Variants in BRAF observed in about 807,000 individuals in gnomAD.
The protein encoded by BRAF is B-Raf proto-oncogene, serine/threonine kinase, also known as serine/threonine-protein kinase B-raf.
A neutral mutation model predicts 104.6 loss-of-function variants in BRAF; 16 were observed. The observed-to-expected ratio is 0.15, with a 90% confidence interval of 0.10 to 0.23. BRAF has a LOEUF of 0.23. BRAF is among the 10% of genes least tolerant of loss of function. BRAF has a pLI of 1.00. For missense variants in BRAF, 541 were observed against 937.3 expected (o/e 0.58, Z 5.52); for synonymous variants, 310 against 341.6 (o/e 0.91, Z 1.02).
intron 1 of BRAF, among the ~76,000 whole-genome samples, chr7:140,862,356 G>A (rs1810511787): frequency 6.6e-6 from 1 of 152,042 alleles, no homozygotes; most frequent in Non-Finnish European, 1.5e-5. Flanking sequence ...AGAAAGAAAT[G>A]GGTGATACAA....
chr7:140,777,762 C>T (rs1196535782), intron 13 of BRAF, among the ~76,000 whole-genome samples: 1 of 152,080 alleles, frequency 6.6e-6, no homozygotes, highest in East Asian at 1.9e-4. Context: ...GAATACTATA[C>T]TTCCATTAAT....
At chr7:140,874,682 G>A (rs1318884186) in intron 1 of BRAF, among the ~76,000 whole-genome samples, 1 of 152,098 alleles carries the variant, frequency 6.6e-6, no homozygotes, top group Non-Finnish European at 1.5e-5. Context: ...GAGAGAACCA[G>A]GTCTCCAATT....
intron 15 of BRAF, 43 bp downstream of exon 14, chr7:140,754,144 C>G (rs762308238): frequency 6.3e-7 from 1 of 1,576,332 alleles, no homozygotes. Flanking sequence ...AAGAAAAAGT[C>G]AGGATGTTTT....
chr7:140,849,371 A>G (rs568975909), intron 2 of BRAF, among the ~76,000 whole-genome samples: 1 of 152,300 alleles, frequency 6.6e-6, no homozygotes, highest in South Asian at 2.1e-4. Flanking sequence ...ATGTTGAGCT[A>G]TTTAAAAATT....
At chr7:140,917,924 T>C (rs1817793401) in intron 1 of BRAF, among the ~76,000 whole-genome samples, 1 of 152,220 alleles carries the variant, frequency 6.6e-6, no homozygotes, top group South Asian at 2.1e-4. Flanking sequence ...AAATATTGTC[T>C]ATTAGCTACT....
chr7:140,719,808 T>C lies in BRAF; in HGVS notation c.*6686A>G, dbSNP rs150788389. On this transcript the variant is annotated 3_prime_UTR_variant, in exon 20 of 20. Coordinates refer to ENST00000644969, the MANE Select transcript of BRAF (RefSeq NM_001374258.1). ...GGACAATTAAAAAGTCCCCATCTTT[T>C]CACTGGGCACGCCCCAGACTCCACG... 2 of 1,063,072 alleles carry C rather than the reference T, an allele frequency of 1.9e-6. No individual in the cohort carries two copies. Among genetic ancestry groups the C allele is most frequent in the Non-Finnish European group, 2.3e-6 (2 of 877,904 alleles). The allele number at this position is 1,063,072 out of a possible 1,614,324, so 65.9% of individuals were successfully genotyped here.
chr7:140,924,322 GCCCCAAT>G lies in BRAF; in HGVS notation c.138+237_138+243del, dbSNP rs1466691451. On this transcript the variant is annotated intron_variant, in intron 1 of 19. Coordinates refer to ENST00000644969, the MANE Select transcript of BRAF (RefSeq NM_001374258.1). This position sits in a 1 kb window ranked among gnomAD's most constrained non-coding sequence, Gnocchi z 4.2. ...GATAGCCTCCCGCTCAACCACCGCTGCCCCAATCCCCACATCTGGGGTGGGGGCCAGG... is the reference window on the plus strand; with the variant it reads ...GATAGCCTCCCGCTCAACCACCGCTGCCCCACATCTGGGGTGGGGGCCAGG... 6.6e-6 allele frequency among the ~76,000 whole-genome samples: 1 copy of G among 152,082 alleles called. No individual in the cohort carries two copies. Among genetic ancestry groups the G allele is most frequent in the Non-Finnish European group, 1.5e-5 (1 of 67,998 alleles).
chr7:140,814,165 T>A (rs1384896249), intron 3 of BRAF, among the ~76,000 whole-genome samples: 1 of 152,154 alleles, frequency 6.6e-6, no homozygotes, highest in Non-Finnish European at 1.5e-5. Context: ...ATAATTTTTC[T>A]CTTAAAAAAA....
rs1799813899 is a variant in BRAF at position 140,771,181 on chromosome 7, A to G, written c.1814+5731T>C. Among the ~76,000 whole-genome samples, 3 of 152,086 alleles carry G rather than the reference A, an allele frequency of 2.0e-5. No individual in the cohort carries two copies. The South Asian group carries it at 6.2e-4, about 32-fold the overall frequency. Reference sequence around the variant, plus strand: ...GGTGACACATTTGAAAGTCCTAATGATTCAACTTTTCTAATTATTCTTATT... The same window carrying G: ...GGTGACACATTTGAAAGTCCTAATGGTTCAACTTTTCTAATTATTCTTATT... On this transcript the variant is annotated intron_variant, in intron 14 of 19. Coordinates refer to ENST00000644969, the MANE Select transcript of BRAF (RefSeq NM_001374258.1).
At chr7:140,779,459 C>G (rs1001368715) in intron 12 of BRAF, among the ~76,000 whole-genome samples, 3 of 152,118 alleles carry the variant, frequency 2.0e-5, no homozygotes, top group African/African-American at 7.2e-5. Flanking sequence ...TGCCTGGGAC[C>G]AGAAGTGTCT....
intron 13 of BRAF, 26 bp from the exon 13 acceptor site, chr7:140,777,114 C>CTTTAGCA (rs1800407084): frequency 1.2e-6 from 2 of 1,607,332 alleles, no homozygotes; most frequent in African/African-American, 2.7e-5. Context: ...TGACAGTAAA[C>CTTTAGCA]ATTAAATGTC....
At chr7:140,852,890 T>G (rs913077097) in intron 1 of BRAF, among the ~76,000 whole-genome samples, 1 of 152,202 alleles carries the variant, frequency 6.6e-6, no homozygotes, top group Non-Finnish European at 1.5e-5. Flanking sequence ...CTCCCTTCTT[T>G]GAGTAAACCA....
Position 140,726,033 on chromosome 7 carries a change from C to A in BRAF, c.*461G>T. The A allele has an allele frequency of 9.3e-7, 1 of 1,070,830 alleles. No individual in the cohort carries two copies. Among genetic ancestry groups the A allele is most frequent in the Non-Finnish European group, 1.1e-6 (1 of 883,256 alleles). 66.3% of individuals were successfully genotyped at this position (1,070,830 alleles called of 1,614,324 possible). ...CTGGTGGTCACTAGGGGAAAGAGCT[C>A]CAAAACAAAATTCCAGAACAGGAAA... On this transcript the variant is annotated 3_prime_UTR_variant, in exon 20 of 20. Transcript: ENST00000644969.
At position 140,800,475 on chromosome 7, in the gene BRAF, C is replaced by T. The variant is rs2129043729; in HGVS notation, c.867G>A (p.Leu289=). ...GGTGTTCAAAGAACTTGGAGACAAA[C>T]AGCAAACTGTGAGGCAAAACAAAAC... ...MCVNYDQLDL[L]FVSKFFEHHP... The change falls in exon 7 of 20, where the codon CTG becomes CTA. Residue 289 remains leucine (L), a synonymous_variant. Coordinates refer to ENST00000644969, the MANE Select transcript of BRAF (RefSeq NM_001374258.1). 6.8e-6 allele frequency: 11 copies of T among 1,614,126 alleles called. No individual in the cohort carries two copies. Among genetic ancestry groups the T allele is most frequent in the Non-Finnish European group, 9.3e-6 (11 of 1,180,014 alleles).
chr7:140,895,787 A>G (rs548775775), intron 1 of BRAF, among the ~76,000 whole-genome samples: 2 of 152,276 alleles, frequency 1.3e-5, no homozygotes, highest in African/African-American at 4.8e-5. Context: ...ATAGCATTCC[A>G]TCGGATGCTA....
At chr7:140,858,903 A>G (rs891990210) in intron 1 of BRAF, among the ~76,000 whole-genome samples, 3 of 152,054 alleles carry the variant, frequency 2.0e-5, no homozygotes, top group African/African-American at 7.2e-5. Context: ...GAAACATGCT[A>G]TCTACAGAAA....
intron 3 of BRAF, among the ~76,000 whole-genome samples, chr7:140,821,896 T>C (rs1382345837): frequency 6.6e-6 from 1 of 152,140 alleles, no homozygotes; most frequent in Non-Finnish European, 1.5e-5. Context: ...CTGGAAGCCA[T>C]TATCCTAAGC....
chr7:140,721,647 C>T lies in BRAF; in HGVS notation c.*4847G>A. On this transcript the variant is annotated 3_prime_UTR_variant, in exon 20 of 20. Transcript: ENST00000644969. ...GAGGCAGAGATGCTACTACCCTCTT[C>T]TGGGGCTCAACTACCGATGGGCATC... 2.0e-6 allele frequency: 3 copies of T among 1,535,618 alleles called. No homozygotes were observed. The highest frequency in any genetic ancestry group is 2.6e-6 in the Non-Finnish European group (3 of 1,146,604).
Position 140,719,473 on chromosome 7 carries a change from T to C in BRAF, c.*7021A>G. On this transcript the variant is annotated 3_prime_UTR_variant, in exon 20 of 20. Coordinates refer to ENST00000644969, the MANE Select transcript of BRAF (RefSeq NM_001374258.1). The stretch of plus-strand genomic sequence containing the variant: ...ATTTCTTCAATCTGAATTTCAGCTA[T>C]CTTTTTTTATTCTCCATGCTTTCTA... 1 of 1,018,034 alleles carries C rather than the reference T, an allele frequency of 9.8e-7. No homozygotes were observed. The highest frequency in any genetic ancestry group is 1.2e-6 in the Non-Finnish European group (1 of 842,722). 63.1% of individuals were successfully genotyped at this position (1,018,034 alleles called of 1,614,324 possible). A position where few individuals can be genotyped will look rare whatever the true frequency, so the allele number is the denominator to read the frequency against.
Sources: gnomAD v4.1 joint callset for allele counts (sites outside exome capture counted in the v4.1 genomes callset) on GRCh38, gnomAD v4.1.1 for gene constraint, Gnocchi (gnomAD v3.1) non-coding constraint, MANE v1.5 for transcripts, NCBI Gene and HGNC (gene_info 2026-07-23, HGNC 2026-07-21) for gene names.